The following DLGAP1 variants were observed in gnomAD, a reference collection of about 807,000 sequenced individuals.
DLGAP1 encodes disks large-associated protein 1.
Under a neutral mutation model 90.8 loss-of-function variants are expected in DLGAP1, and 11 were observed. That is an observed-to-expected ratio of 0.12 (90% CI 0.08 to 0.20). The LOEUF (loss-of-function observed/expected upper bound fraction) is 0.20. Among genes scored for constraint, DLGAP1 ranks in the 10% least tolerant of loss-of-function variants. DLGAP1 has a pLI of 1.00. For synonymous variants in DLGAP1, 558 were observed against 540.7 expected, an observed-to-expected ratio of 1.03 and a Z score of -0.44; for missense variants, 1,050 against 1,333.8, an observed-to-expected ratio of 0.79 and a Z score of 3.31.
chr18:4,055,801 A>C (rs1160584779), intron 2 of DLGAP1, among the ~76,000 whole-genome samples: 3 of 152,106 alleles, frequency 2.0e-5, no homozygotes, highest in African/African-American at 4.8e-5. Flanking sequence ...CAGAGGTGTG[A>C]GTTAAGTGGG....
chr18:3,970,411 T>G (rs2073421534), intron 3 of DLGAP1, among the ~76,000 whole-genome samples: 1 of 152,178 alleles, frequency 6.6e-6, no homozygotes, highest in Non-Finnish European at 1.5e-5. Context: ...GCACTAATAA[T>G]AAAAAGCTCT....
intron 7 of DLGAP1, among the ~76,000 whole-genome samples, chr18:3,615,968 T>G (rs2057845981): frequency 6.6e-6 from 1 of 152,202 alleles, no homozygotes; most frequent in African/African-American, 2.4e-5. Context: ...AGTGGGGAAT[T>G]TCTGGCACTG....
rs755426745 is a variant in DLGAP1 at position 3,801,952 on chromosome 18, G to A, written c.1172+12107C>T. Among the ~76,000 whole-genome samples, 15 of 147,530 alleles carry A rather than the reference G, an allele frequency of 1.0e-4. 1 individual carries two copies. The South Asian group carries it at 1.1e-3, about 11-fold the overall frequency. On this transcript the variant is annotated intron_variant, in intron 5 of 12. Transcript: ENST00000315677. ...AATTGGCTTTTTGACTCCACGCCAC[G>A]CAGGCCATCTGTGTTTTTGTTTGTT...
chr18:3,952,068 C>T (rs376067732), intron 3 of DLGAP1, among the ~76,000 whole-genome samples: 59 of 152,160 alleles, frequency 3.9e-4, no homozygotes, highest in African/African-American at 1.4e-3. Flanking sequence ...AGAGAAATTT[C>T]TATAATAGAG....
intron 1 of DLGAP1, among the ~76,000 whole-genome samples, chr18:4,406,058 AG>A (rs2144569655): frequency 6.6e-6 from 1 of 152,268 alleles, no homozygotes; most frequent in Non-Finnish European, 1.5e-5. Flanking sequence ...GCCCTATGTA[AG>A]TGAAGGCGTG....
chr18:4,174,991 T>A (rs995588582), intron 1 of DLGAP1, among the ~76,000 whole-genome samples: 1 of 152,224 alleles, frequency 6.6e-6, no homozygotes, highest in Non-Finnish European at 1.5e-5. Context: ...TACCACCTTT[T>A]CTTTATCCAG....
chr18:3,838,149 T>C (rs1445644619), intron 4 of DLGAP1, among the ~76,000 whole-genome samples: 2 of 152,148 alleles, frequency 1.3e-5, no homozygotes, highest in Non-Finnish European at 2.9e-5. Context: ...AGAATTGAGT[T>C]TTCCTGATGT....
At chr18:3,586,206 C>G (rs1352761673) in intron 7 of DLGAP1, among the ~76,000 whole-genome samples, 1 of 152,072 alleles carries the variant, frequency 6.6e-6, no homozygotes, top group Non-Finnish European at 1.5e-5. Flanking sequence ...ATTTTGAGAT[C>G]CCCCCCAACT....
intron 4 of DLGAP1, among the ~76,000 whole-genome samples, chr18:3,867,184 T>G (rs554230386): frequency 6.6e-6 from 1 of 152,154 alleles, no homozygotes; most frequent in East Asian, 1.9e-4. Flanking sequence ...TGAGTCACAG[T>G]GTGGGTAACA....
At chr18:4,070,548 A>G (rs1244992805) in intron 2 of DLGAP1, among the ~76,000 whole-genome samples, 7 of 151,954 alleles carry the variant, frequency 4.6e-5, no homozygotes, top group Non-Finnish European at 1.0e-4. Flanking sequence ...ATATATGATA[A>G]CTATAAAACA....
At chr18:4,162,286 G>T (rs536465446) in intron 1 of DLGAP1, among the ~76,000 whole-genome samples, 136 of 152,274 alleles carry the variant, frequency 8.9e-4, no homozygotes, top group Non-Finnish European at 1.7e-3. Flanking sequence ...ACATTGAAAG[G>T]ATTATTGGTA....
At chr18:4,300,729 T>C (rs1360341000) in intron 1 of DLGAP1, among the ~76,000 whole-genome samples, 1 of 152,186 alleles carries the variant, frequency 6.6e-6, no homozygotes, top group Non-Finnish European at 1.5e-5. Flanking sequence ...TGAGTTCTCA[T>C]ATGTTAAAAC....
In DLGAP1 at chr18:3,643,368, A is replaced by G. The variant is rs2146338964; in HGVS notation, c.1592-61120T>C. Among the ~76,000 whole-genome samples, 2 of 152,326 alleles carry G rather than the reference A, an allele frequency of 1.3e-5. 1 individual carries two copies. Among genetic ancestry groups the G allele is most frequent in the Middle Eastern group, 6.8e-3 (2 of 294 alleles). On this transcript the variant is annotated intron_variant, in intron 7 of 12. Transcript: ENST00000315677. ...AAGAAAAAGACTAACAGTCATCTAA[A>G]AAATGCTGAAGGAGGCCAGGTGCAG...
intron 6 of DLGAP1, among the ~76,000 whole-genome samples, chr18:3,731,962 T>C (rs912066570): frequency 6.6e-6 from 1 of 152,318 alleles, no homozygotes; most frequent in Non-Finnish European, 1.5e-5. Context: ...TTTTATTGCG[T>C]TCACTTTTGT....
chr18:4,138,643 T>C (rs550492582), intron 2 of DLGAP1, among the ~76,000 whole-genome samples: 2 of 152,208 alleles, frequency 1.3e-5, no homozygotes, highest in African/African-American at 4.8e-5. Flanking sequence ...AGAGTAATAC[T>C]GGCCTTGTAG....
intron 4 of DLGAP1, among the ~76,000 whole-genome samples, chr18:3,842,062 G>A (rs1054741843): frequency 2.7e-5 from 4 of 149,832 alleles, no homozygotes; most frequent in African/African-American, 9.8e-5. Context: ...TATCTTAGAT[G>A]AGACTGGAAA....
At chr18:4,232,230 T>C (rs531743101) in intron 1 of DLGAP1, among the ~76,000 whole-genome samples, 3 of 152,292 alleles carry the variant, frequency 2.0e-5, no homozygotes, top group South Asian at 4.1e-4. Context: ...ATGTTCATTA[T>C]AGCAAAAAAT....
chr18:3,982,743 G>A (rs946817463), intron 3 of DLGAP1, among the ~76,000 whole-genome samples: 1 of 152,102 alleles, frequency 6.6e-6, no homozygotes, highest in Non-Finnish European at 1.5e-5. Flanking sequence ...ATTTTGTACT[G>A]GTTGGTATAT....
chr18:3,683,192 G>A (rs955035020), intron 7 of DLGAP1, among the ~76,000 whole-genome samples: 4 of 152,074 alleles, frequency 2.6e-5, no homozygotes, highest in African/African-American at 4.8e-5. Context: ...CCATTGAGTG[G>A]TATGTTTCCT....
Sources: gnomAD v4.1 joint callset for allele counts (sites outside exome capture counted in the v4.1 genomes callset) on GRCh38, gnomAD v4.1.1 for gene constraint, MANE v1.5 for transcripts, NCBI Gene and HGNC (gene_info 2026-07-23, HGNC 2026-07-21) for gene names.